PTPRT: variants seen among roughly 807,000 people sequenced by gnomAD.
PTPRT encodes the protein receptor-type tyrosine-protein phosphatase T.
A neutral mutation model predicts 176.8 loss-of-function variants in PTPRT; 56 were observed. The ratio of observed to expected loss-of-function variants is 0.32; its 90% CI spans 0.26 to 0.40. The LOEUF is 0.40. Ranked by LOEUF, PTPRT falls within the 10% of genes least tolerant of loss-of-function variation. PTPRT has a pLI of 1.00. For missense variants in PTPRT, 1,540 were observed against 1,908.2 expected, an observed-to-expected ratio of 0.81 and a Z score of 3.60; for synonymous variants, 783 against 739.0, an observed-to-expected ratio of 1.06 and a Z score of -0.96.
intron 2 of PTPRT, among the ~76,000 whole-genome samples, chr20:42,860,971 G>A (rs1402147705): frequency 6.6e-6 from 1 of 152,158 alleles, no homozygotes; most frequent in African/African-American, 2.4e-5. Context: ...AGCTTTCTAG[G>A]TCTTTTAAGG....
At chr20:42,049,979 C>A in the PTPRT span, among the ~76,000 whole-genome samples, 1 of 152,244 alleles carries the variant, frequency 6.6e-6, no homozygotes, top group Non-Finnish European at 1.5e-5. Flanking sequence ...ATTACAGCCA[C>A]ATGGAATGGC....
At chr20:42,902,677 C>G (rs1327172767) in intron 1 of PTPRT, among the ~76,000 whole-genome samples, 1 of 152,116 alleles carries the variant, frequency 6.6e-6, no homozygotes, top group Admixed American at 6.6e-5. Context: ...GGATTCAAGA[C>G]AAGATTTTGC....
chr20:42,323,694 T>A (rs971835418), intron 11 of PTPRT, among the ~76,000 whole-genome samples: 1 of 152,018 alleles, frequency 6.6e-6, no homozygotes, highest in Non-Finnish European at 1.5e-5. Context: ...CACACCAGCA[T>A]GGCACATGTA....
chr20:42,063,524 T>A, the PTPRT span: 2 of 152,318 alleles, frequency 1.3e-5, no homozygotes, highest in Non-Finnish European at 2.9e-5. Flanking sequence ...TGGAACTGAC[T>A]GGTGGAATGT....
intron 1 of PTPRT, among the ~76,000 whole-genome samples, chr20:42,964,798 A>G (rs1361583471): frequency 6.6e-6 from 1 of 152,212 alleles, no homozygotes; most frequent in Non-Finnish European, 1.5e-5. Flanking sequence ...TTATCTGACC[A>G]TGAGGCTAAA....
At chr20:42,959,956 T>C (rs927652117) in intron 1 of PTPRT, among the ~76,000 whole-genome samples, 7 of 152,150 alleles carry the variant, frequency 4.6e-5, no homozygotes, top group African/African-American at 1.7e-4. Context: ...TCTCATCCCA[T>C]GCTCAGGTTC....
At chr20:42,493,085 C>T (rs775535180) in intron 7 of PTPRT, among the ~76,000 whole-genome samples, 25 of 152,178 alleles carry the variant, frequency 1.6e-4, no homozygotes, top group Non-Finnish European at 1.2e-4. Flanking sequence ...AAATACCTAA[C>T]TGCCTCATGT....
chr20:42,622,506 C>T (rs1256679114), intron 7 of PTPRT, among the ~76,000 whole-genome samples: 1 of 152,146 alleles, frequency 6.6e-6, no homozygotes, highest in East Asian at 1.9e-4. Flanking sequence ...TCCCAAAGTG[C>T]TGGCATTACA....
intron 7 of PTPRT, among the ~76,000 whole-genome samples, chr20:42,507,168 A>G (rs1347682251): frequency 6.6e-6 from 1 of 152,162 alleles, no homozygotes; most frequent in Non-Finnish European, 1.5e-5. Context: ...GAATTGGGAT[A>G]ATATACCTGA....
At chr20:42,513,263 C>T (rs920046681) in intron 7 of PTPRT, among the ~76,000 whole-genome samples, 1 of 149,882 alleles carries the variant, frequency 6.7e-6, no homozygotes, top group Non-Finnish European at 1.5e-5. Flanking sequence ...AATCACTGGG[C>T]CAATTACCCC....
At chr20:42,640,623 C>T (rs561881328) in intron 7 of PTPRT, among the ~76,000 whole-genome samples, 15 of 151,942 alleles carry the variant, frequency 9.9e-5, no homozygotes, top group Non-Finnish European at 2.1e-4. Flanking sequence ...TCCTGACCAC[C>T]GCCTCAGCCT....
intron 6 of PTPRT, among the ~76,000 whole-genome samples, chr20:42,705,425 TG>T (rs1342465601): frequency 2.4e-5 from 1 of 41,210 alleles, no homozygotes; most frequent in Non-Finnish European, 4.8e-5. Context: ...AAGGGCGGGG[TG>T]GGGGGAGGTG....
chr20:42,531,161 G>T (rs369148245), intron 7 of PTPRT, among the ~76,000 whole-genome samples: 3 of 152,306 alleles, frequency 2.0e-5, no homozygotes, highest in Admixed American at 6.5e-5. Flanking sequence ...AAGTGCCAAT[G>T]GTGGTTTTCT....
In PTPRT at chr20:43,058,401, A is replaced by G. The variant is rs1987326329; in HGVS notation, c.88+131245T>C. On this transcript the variant is annotated intron_variant, in intron 1 of 30. Coordinates refer to ENST00000373187, the MANE Select transcript of PTPRT (RefSeq NM_007050.6). ...AGAGAAGAGAGAAAGAGAGCCAGAG[A>G]AAGAAAGAAGGAGAGAGGAAGAGAG... 2.0e-5 allele frequency among the ~76,000 whole-genome samples: 3 copies of G among 151,970 alleles called. No homozygotes were observed. In the South Asian group the frequency reaches 6.2e-4, roughly 32 times the overall value.
intron 7 of PTPRT, among the ~76,000 whole-genome samples, chr20:42,507,837 T>G (rs1444862850): frequency 1.3e-5 from 2 of 150,578 alleles, no homozygotes; most frequent in Non-Finnish European, 3.0e-5. Flanking sequence ...CAGGTAGAAT[T>G]TCATTACTCA....
chr20:42,882,206 A>G (rs73907292), intron 2 of PTPRT, among the ~76,000 whole-genome samples: 3,082 of 152,344 alleles, frequency 0.02, 52 homozygotes, highest in Middle Eastern at 0.051. Flanking sequence ...CATAAGAAGA[A>G]CAAACAGTTT....
chr20:42,454,582 TTTAC>T (rs1315678943), intron 8 of PTPRT, among the ~76,000 whole-genome samples: 1 of 152,240 alleles, frequency 6.6e-6, no homozygotes, highest in East Asian at 1.9e-4. Context: ...CTTTTACCTA[TTTAC>T]TAGCATCTTT....
At chr20:42,884,407 C>A (rs1191714066) in intron 2 of PTPRT, among the ~76,000 whole-genome samples, 1 of 152,098 alleles carries the variant, frequency 6.6e-6, no homozygotes, top group Non-Finnish European at 1.5e-5. Flanking sequence ...GTGAATGAGG[C>A]CACACCCTCA....
At chr20:42,929,145 G>T (rs770846223) in intron 1 of PTPRT, among the ~76,000 whole-genome samples, 2 of 152,232 alleles carry the variant, frequency 1.3e-5, no homozygotes, top group African/African-American at 2.4e-5. Flanking sequence ...CTTAGCATGC[G>T]AGAGTAATTC....
Sources: gnomAD v4.1 joint callset for allele counts (sites outside exome capture counted in the v4.1 genomes callset) on GRCh38, gnomAD v4.1.1 for gene constraint, MANE v1.5 for transcripts, NCBI Gene and HGNC (gene_info 2026-07-23, HGNC 2026-07-21) for gene names.